Variants in TNIP3 observed in about 807,000 individuals in gnomAD.
TNIP3 encodes the protein TNFAIP3-interacting protein 3.
A neutral mutation model predicts 54.1 loss-of-function variants in TNIP3; 34 were observed. That is an observed-to-expected ratio of 0.63 (90% CI 0.48 to 0.84). The LOEUF is 0.84. Ranked by LOEUF, TNIP3 falls within the 40% of genes least tolerant of loss-of-function variation. The pLI is 0.00. For synonymous variants in TNIP3, 134 were observed against 136.8 expected (o/e 0.98, Z 0.14); for missense variants, 366 against 387.6 (o/e 0.94, Z 0.47).
intron 3 of TNIP3, among the ~76,000 whole-genome samples, chr4:121,171,649 A>C (rs766764890): frequency 4.6e-5 from 7 of 152,174 alleles, no homozygotes; most frequent in Non-Finnish European, 5.9e-5. Context: ...GGAAAATGAA[A>C]ATGATTCAGG....
At chr4:121,149,624 G>A (rs1729623509) in intron 6 of TNIP3, among the ~76,000 whole-genome samples, 1 of 152,150 alleles carries the variant, frequency 6.6e-6, no homozygotes, top group African/African-American at 2.4e-5. Context: ...AAATTAGCTG[G>A]GCATTGTGGT....
intron 2 of TNIP3, among the ~76,000 whole-genome samples, chr4:121,216,243 CAGAT>C (rs1726783599): frequency 6.6e-6 from 1 of 152,146 alleles, no homozygotes; most frequent in African/African-American, 2.4e-5. Flanking sequence ...AAAATATGTT[CAGAT>C]AGATAGGCCA....
intron 4 of TNIP3, among the ~76,000 whole-genome samples, 163 bp from the exon 5 acceptor site, chr4:121,154,842 T>G (rs970233792): frequency 6.6e-6 from 1 of 152,180 alleles, no homozygotes; most frequent in Non-Finnish European, 1.5e-5. Context: ...ATGTTCCATT[T>G]GAGCAATATT....
intron 3 of TNIP3, among the ~76,000 whole-genome samples, chr4:121,172,143 G>T (rs770387400): frequency 3.9e-5 from 6 of 152,330 alleles, no homozygotes; most frequent in Non-Finnish European, 8.8e-5. Context: ...TCCAGGGAAG[G>T]TACAAGCCTT....
At chr4:121,225,572 T>C (rs1197245611) in intron 1 of TNIP3, among the ~76,000 whole-genome samples, 1 of 152,210 alleles carries the variant, frequency 6.6e-6, no homozygotes, top group Non-Finnish European at 1.5e-5. Context: ...CTATGAGTAA[T>C]AGGTGTTCCT....
chr4:121,189,608 A>T (rs1014813568), intron 2 of TNIP3, among the ~76,000 whole-genome samples: 27 of 152,214 alleles, frequency 1.8e-4, no homozygotes, highest in Non-Finnish European at 8.8e-5. Flanking sequence ...GTAATTGGAA[A>T]TATTAACAGT....
intron 3 of TNIP3, among the ~76,000 whole-genome samples, chr4:121,181,059 A>C (rs753681872): frequency 1.3e-5 from 2 of 152,238 alleles, no homozygotes. Context: ...AGAGAGAGAG[A>C]CATAAATTTC....
At chr4:121,215,221 G>A (rs1463345754) in intron 2 of TNIP3, among the ~76,000 whole-genome samples, 6 of 152,056 alleles carry the variant, frequency 3.9e-5, no homozygotes, top group African/African-American at 1.2e-4. Context: ...AAGTACAGAT[G>A]GGCCTCTTTT....
intron 2 of TNIP3, among the ~76,000 whole-genome samples, chr4:121,185,598 A>G (rs1724972416): frequency 6.6e-6 from 1 of 152,254 alleles, no homozygotes; most frequent in Non-Finnish European, 1.5e-5. Flanking sequence ...TTGAATAAAT[A>G]TGACTCCAGG....
At chr4:121,220,693 A>G (rs886666117), upstream of TNIP3, among the ~76,000 whole-genome samples, 3 of 152,120 alleles carry the variant, frequency 2.0e-5, no homozygotes, top group Admixed American at 1.3e-4. Context: ...AGCGTGGGGG[A>G]ATAAACAAAG....
intron 4 of TNIP3, among the ~76,000 whole-genome samples, chr4:121,154,904 T>C (rs755943749): frequency 5.9e-5 from 9 of 151,890 alleles, no homozygotes; most frequent in Non-Finnish European, 1.0e-4. Flanking sequence ...TTTATCAGAA[T>C]TTACTGAAGT....
At chr4:121,205,256 T>C (rs556369154) in intron 2 of TNIP3, among the ~76,000 whole-genome samples, 44 of 152,298 alleles carry the variant, frequency 2.9e-4, no homozygotes, top group African/African-American at 6.3e-4. Context: ...ATGTGGCTTA[T>C]TGGGGAAAGA....
intron 3 of TNIP3, among the ~76,000 whole-genome samples, chr4:121,174,043 G>A (rs1363841625): frequency 1.3e-5 from 2 of 152,106 alleles, no homozygotes; most frequent in African/African-American, 4.8e-5. Flanking sequence ...TGTGTTTTCT[G>A]TTTTCTGAAT....
chr4:121,155,165 A>G (rs186287730), intron 4 of TNIP3, among the ~76,000 whole-genome samples: 209 of 152,010 alleles, frequency 1.4e-3, no homozygotes, highest in Admixed American at 3.3e-3. Context: ...GGGTTTCACT[A>G]TGTTGGCCAG....
In TNIP3 at chr4:121,138,685, C is replaced by T. The variant is rs1214389705; in HGVS notation, c.886-1G>A. 6.2e-7 allele frequency: 1 copy of T among 1,613,570 alleles called. No homozygotes were observed. Among genetic ancestry groups the T allele is most frequent in the Non-Finnish European group, 8.5e-7 (1 of 1,179,516 alleles). Reference sequence around the variant, plus strand: ...CAAGAGCATACCACTGATAGTCTGGCTGTGTGGAACAATACAACATTATTA... The same window carrying T: ...CAAGAGCATACCACTGATAGTCTGGTTGTGTGGAACAATACAACATTATTA... On this transcript the variant is annotated splice_acceptor_variant, in intron 9 of 10. Transcript: ENST00000057513. LOFTEE classifies it high-confidence loss of function.
intron 9 of TNIP3, 93 bp from the exon 10 acceptor site, chr4:121,138,777 G>A (rs538500786): frequency 1.7e-6 from 2 of 1,177,072 alleles, no homozygotes; most frequent in Middle Eastern, 1.9e-4. Context: ...CTTTTATTAA[G>A]CAGGCAACAC....
chr4:121,135,621 A>G (rs1254105262), intron 10 of TNIP3, among the ~76,000 whole-genome samples: 3 of 151,422 alleles, frequency 2.0e-5, no homozygotes, highest in Admixed American at 6.6e-5. Flanking sequence ...CTGGGCTTGA[A>G]CTCCTAGGCT....
chr4:121,159,929 A>T (rs1378277582), intron 2 of TNIP3, among the ~76,000 whole-genome samples: 1 of 152,264 alleles, frequency 6.6e-6, no homozygotes, highest in Non-Finnish European at 1.5e-5. Context: ...CAAACTACTG[A>T]ATCCAGAGTG....
Position 121,147,317 on chromosome 4 carries a change from G to A in TNIP3, c.610-143C>T, listed in dbSNP as rs186934732. On this transcript the variant is annotated intron_variant, in intron 6 of 10. Coordinates refer to ENST00000057513, the MANE Select transcript of TNIP3 (RefSeq NM_024873.6). The stretch of plus-strand genomic sequence containing the variant: ...GTTCAGTGTCACTGTTTTGGAGCAA[G>A]TCATCCATCCCTAACACAAGGGCTT... 360 of 974,804 alleles carry A rather than the reference G, an allele frequency of 3.7e-4. 1 individual carries two copies. In the African/African-American group the frequency reaches 5.6e-3, roughly 15 times the overall value. The allele number at this position is 974,804 out of a possible 1,614,324, so 60.4% of individuals were successfully genotyped here.
Sources: allele counts gnomAD v4.1 joint callset (sites outside exome capture counted in the v4.1 genomes callset), GRCh38; gene constraint gnomAD v4.1.1; transcripts MANE v1.5; gene names NCBI Gene and HGNC (gene_info 2026-07-23, HGNC 2026-07-21).